The following CRACR2A variants were observed in gnomAD, a reference collection of about 807,000 sequenced individuals.
CRACR2A encodes calcium release activated channel regulator 2A.
Under a neutral mutation model 90.5 loss-of-function variants are expected in CRACR2A, and 79 were observed. The ratio of observed to expected loss-of-function variants is 0.87; its 90% CI spans 0.73 to 1.05. CRACR2A has a LOEUF of 1.05. CRACR2A is among the 50% of genes least tolerant of loss of function. The pLI is 0.00. For missense variants in CRACR2A, 823 were observed against 897.2 expected (o/e 0.92, Z 1.06); for synonymous variants, 338 against 356.7 (o/e 0.95, Z 0.59).
intron 10 of CRACR2A, among the ~76,000 whole-genome samples, chr12:3,653,149 A>AT (rs1353728964): frequency 1.3e-5 from 2 of 152,052 alleles, no homozygotes; most frequent in Non-Finnish European, 2.9e-5. Flanking sequence ...TGCCTGGCTA[A>AT]TTTTTGTATT....
intron 3 of CRACR2A, among the ~76,000 whole-genome samples, chr12:3,708,549 C>G (rs547628663): frequency 7.2e-5 from 11 of 152,188 alleles, no homozygotes; most frequent in South Asian, 4.1e-4. Context: ...CTCAGCCTCC[C>G]GAGTAGCTGG....
At chr12:3,659,749 T>C (rs7299033) in intron 7 of CRACR2A, 95 bp from the exon 8 acceptor site, 13,542 of 957,648 alleles carry the variant, frequency 0.014, 152 homozygotes, top group African/African-American at 0.035. Flanking sequence ...ACTCTGGAGC[T>C]GTGGGTGTGG....
intron 17 of CRACR2A, among the ~76,000 whole-genome samples, chr12:3,619,922 G>T (rs868599812): frequency 1.3e-5 from 2 of 152,210 alleles, no homozygotes; most frequent in African/African-American, 2.4e-5. Flanking sequence ...CGCCCACAAG[G>T]CTCCATAAAT....
intron 4 of CRACR2A, among the ~76,000 whole-genome samples, chr12:3,693,260 A>G (rs1337255216): frequency 6.6e-6 from 1 of 152,218 alleles, no homozygotes; most frequent in African/African-American, 2.4e-5. Flanking sequence ...CCAGTCAGCC[A>G]CAAGTCTACC....
intron 17 of CRACR2A, among the ~76,000 whole-genome samples, chr12:3,621,100 A>G (rs999864893): frequency 2.6e-5 from 4 of 152,186 alleles, no homozygotes; most frequent in African/African-American, 9.7e-5. Flanking sequence ...TGGGAGAGAG[A>G]TATTTGTAGA....
rs113481975 is a variant in CRACR2A at position 3,716,215 on chromosome 12, C to T, written c.-117-2898G>A. Among the ~76,000 whole-genome samples the T allele has an allele frequency of 4.5e-4, 69 of 152,348 alleles. 2 individuals carry two copies. The highest frequency in any genetic ancestry group is 1.5e-3 in the African/African-American group (64 of 41,578). ...TTCCAAAAGACCATTGCCATGACCT[C>T]TGCTCTTGACTGGTCCACATTTGCT... On this transcript the variant is annotated intron_variant, in intron 2 of 19. Transcript: ENST00000440314.
In CRACR2A at chr12:3,638,307, G is replaced by A. The variant is rs763126479; in HGVS notation, c.1419C>T (p.Ser473=). ...PYPRPLRRII[S]VEEDPLPQLL... is the part of the protein sequence containing the mutation. ...GCTGGGGCAGGGGGTCTTCTTCAAC[G>A]GAGATGATTCTGCGGAGCGGCCGGG... is the stretch of plus-strand genomic sequence containing the variant. The change falls in exon 14 of 20, where the codon TCC becomes TCT. Residue 473 remains serine (S), a synonymous_variant. Transcript: ENST00000440314. 11 of 1,551,506 alleles carry A rather than the reference G, an allele frequency of 7.1e-6. No individual in the cohort carries two copies. Among genetic ancestry groups the A allele is most frequent in the Middle Eastern group, 1.7e-4 (1 of 6,014 alleles).
At chr12:3,618,165 A>C (rs1309973511) in intron 18 of CRACR2A, among the ~76,000 whole-genome samples, 1 of 138,360 alleles carries the variant, frequency 7.2e-6, no homozygotes, top group Non-Finnish European at 1.6e-5. Flanking sequence ...TTTTTTTTTC[A>C]CTAACAAAAA....
chr12:3,718,585 GA>G (rs1355433727), intron 2 of CRACR2A, among the ~76,000 whole-genome samples: 2 of 152,230 alleles, frequency 1.3e-5, no homozygotes, highest in Non-Finnish European at 1.5e-5. Context: ...CAAAAGAAAG[GA>G]ATGTAAAAGA....
In CRACR2A at chr12:3,746,357, C is replaced by CTCTCT. The variant is rs1946625800; in HGVS notation, c.-387+6653_-387+6657dup. 6.6e-6 allele frequency among the ~76,000 whole-genome samples: 1 copy of CTCTCT among 151,462 alleles called. No homozygotes were observed. The highest frequency in any genetic ancestry group is 1.5e-5 in the Non-Finnish European group (1 of 67,824). ...TCATGAAGAGACACCAGAGAGCTCTCTCTCTCTCTCTCTCTCCCCATCTCT... is the reference window on the plus strand; with the variant it reads ...TCATGAAGAGACACCAGAGAGCTCTCTCTCTTCTCTCTCTCTCTCTCCCCATCTCT... On this transcript the variant is annotated intron_variant, in intron 1 of 19. Coordinates refer to ENST00000440314, the MANE Select transcript of CRACR2A (RefSeq NM_001144958.2). The surrounding 1 kb of genome is among the most constrained non-coding windows in gnomAD (Gnocchi z 4.4).
chr12:3,628,071 CT>C (rs1944303747), intron 15 of CRACR2A, among the ~76,000 whole-genome samples: 1 of 119,622 alleles, frequency 8.4e-6, no homozygotes, highest in Non-Finnish European at 1.8e-5. Flanking sequence ...CCCTCCCTCT[CT>C]CCCTCTCTCC....
At position 3,752,032 on chromosome 12, in the gene CRACR2A, G is replaced by C. The variant is rs149211953; in HGVS notation, c.-387+983C>G. On this transcript the variant is annotated intron_variant, in intron 1 of 19. Transcript: ENST00000440314. ...CCTATGCCCACATCCTTGATAAAAAGACTCTTCGGTACATGCTGCTTTCTT... is the reference window on the plus strand; with the variant it reads ...CCTATGCCCACATCCTTGATAAAAACACTCTTCGGTACATGCTGCTTTCTT... 1.1e-3 allele frequency among the ~76,000 whole-genome samples: 169 copies of C among 152,228 alleles called. 2 individuals are homozygous for C. Among genetic ancestry groups the C allele is most frequent in the African/African-American group, 4.0e-3 (165 of 41,544 alleles).
At chr12:3,750,217 G>A (rs1413537878) in intron 1 of CRACR2A, among the ~76,000 whole-genome samples, 1 of 150,634 alleles carries the variant, frequency 6.6e-6, no homozygotes, top group Admixed American at 6.6e-5. Context: ...TTACAGGTGT[G>A]AGCCACCAAG....
chr12:3,695,233 C>G (rs1348690082), intron 4 of CRACR2A, among the ~76,000 whole-genome samples: 4 of 152,148 alleles, frequency 2.6e-5, no homozygotes, highest in Non-Finnish European at 5.9e-5. Flanking sequence ...CTACTAACAC[C>G]AACCACCGCT....
intron 18 of CRACR2A, among the ~76,000 whole-genome samples, chr12:3,618,178 A>AAAAAG (rs921005525): frequency 6.6e-6 from 1 of 151,942 alleles, no homozygotes; most frequent in Non-Finnish European, 1.5e-5. Context: ...AACAAAAAAA[A>AAAAAG]AAAAGAAAAG....
chr12:3,688,631 C>T (rs914257559), intron 4 of CRACR2A, among the ~76,000 whole-genome samples: 2 of 152,190 alleles, frequency 1.3e-5, no homozygotes, highest in Non-Finnish European at 1.5e-5. Context: ...GTTATGCCTC[C>T]AGCTTTGTTC....
intron 2 of CRACR2A, among the ~76,000 whole-genome samples, chr12:3,717,803 T>C (rs1209677498): frequency 6.6e-6 from 1 of 152,212 alleles, no homozygotes; most frequent in African/African-American, 2.4e-5. Flanking sequence ...GTCTCCCATA[T>C]ACTCCTCCAT....
chr12:3,716,058 G>C (rs1386605015), intron 2 of CRACR2A, among the ~76,000 whole-genome samples: 1 of 151,380 alleles, frequency 6.6e-6, no homozygotes, highest in Non-Finnish European at 1.5e-5. Context: ...ACTCTCCCAG[G>C]CTTTTTTTTT....
chr12:3,735,302 C>G (rs1946433268), intron 1 of CRACR2A, among the ~76,000 whole-genome samples: 1 of 152,090 alleles, frequency 6.6e-6, no homozygotes, highest in Admixed American at 6.5e-5. Flanking sequence ...AATCCTAGGA[C>G]AGGGTGCACG....
Sources: allele counts gnomAD v4.1 joint callset (sites outside exome capture counted in the v4.1 genomes callset), GRCh38; gene constraint gnomAD v4.1.1; non-coding constraint Gnocchi (gnomAD v3.1); transcripts MANE v1.5; gene names NCBI Gene and HGNC (gene_info 2026-07-23, HGNC 2026-07-21).